Variants in CCDC174 observed in about 807,000 individuals in gnomAD.
CCDC174 encodes the protein coiled-coil domain-containing protein 174.
Under a neutral mutation model 57.1 loss-of-function variants are expected in CCDC174, and 37 were observed. That is an observed-to-expected ratio of 0.65 (90% CI 0.50 to 0.85). The LOEUF is 0.85. Ranked by LOEUF, CCDC174 falls within the 40% of genes least tolerant of loss-of-function variation. CCDC174 has a pLI of 0.00. For missense variants in CCDC174, 540 were observed against 574.3 expected, an observed-to-expected ratio of 0.94 and a Z score of 0.61; for synonymous variants, 182 against 190.2, an observed-to-expected ratio of 0.96 and a Z score of 0.35.
rs2031539800 is a variant in CCDC174, at chr3:14,672,155, GAT to G, written c.*962_*963del. On this transcript the variant is annotated 3_prime_UTR_variant, in exon 11 of 11. Coordinates refer to ENST00000383794, the MANE Select transcript of CCDC174 (RefSeq NM_016474.5). ...AGCTGCACACAAGCAGTTGAGAGTT[GAT>G]GACCAGGCCCATAGGGCTCCCACAG... is the stretch of plus-strand genomic sequence containing the variant. 1 of 152,446 alleles carries G rather than the reference GAT, an allele frequency of 6.6e-6. No homozygotes were observed. The highest frequency in any genetic ancestry group is 2.4e-5 in the African/African-American group (1 of 41,480). 9.4% of individuals were successfully genotyped at this position (152,446 alleles called of 1,614,324 possible).
At chr3:14,659,896 C>T (rs2031073020) in intron 4 of CCDC174, among the ~76,000 whole-genome samples, 1 of 152,172 alleles carries the variant, frequency 6.6e-6, no homozygotes, top group Non-Finnish European at 1.5e-5. Context: ...AGCAGACCAG[C>T]TGAGGAGGGC....
chr3:14,668,204 A>G lies in CCDC174; in HGVS notation c.952+23A>G, dbSNP rs376359043. The G allele has an allele frequency of 2.2e-5, 34 of 1,574,628 alleles. No homozygotes were observed. In the African/African-American group the frequency reaches 4.4e-4, roughly 20 times the overall value. ...GAGGTATATCATGGCTATGTTGCTG[A>G]ACTTCAAAAGGGAAAATTTTATTTC... On this transcript the variant is annotated intron_variant, in intron 9 of 10. Coordinates refer to ENST00000383794, the MANE Select transcript of CCDC174 (RefSeq NM_016474.5).
At position 14,672,566 on chromosome 3, in the gene CCDC174, A is replaced by C. The variant is rs1401828115; in HGVS notation, c.*1372A>C. On this transcript the variant is annotated 3_prime_UTR_variant, in exon 11 of 11. Transcript: ENST00000383794. ...AAACTTACCTCTAAACTCTGAGGAT[A>C]AAGTTGCCAGTCCTTTTAATGGTCA... is the stretch of plus-strand genomic sequence containing the variant. 1 of 152,250 alleles carries C rather than the reference A, an allele frequency of 6.6e-6. No individual in the cohort carries two copies. Among genetic ancestry groups the C allele is most frequent in the Non-Finnish European group, 1.5e-5 (1 of 68,054 alleles). 9.4% of individuals were successfully genotyped at this position (152,250 alleles called of 1,614,324 possible).
rs146916656 is a variant in CCDC174 at position 14,664,758 on chromosome 3, G to A, written c.486-270G>A. Among the ~76,000 whole-genome samples, 176 of 152,334 alleles carry A rather than the reference G, an allele frequency of 1.2e-3. 1 individual carries two copies. The highest frequency in any genetic ancestry group is 4.0e-3 in the African/African-American group (165 of 41,576). ...TTCGTAGATGCTGCAGCAAAATTCCGTGTGGGTGATTTATCTGTGAGATCA... is the reference window on the plus strand; with the variant it reads ...TTCGTAGATGCTGCAGCAAAATTCCATGTGGGTGATTTATCTGTGAGATCA... On this transcript the variant is annotated intron_variant, in intron 5 of 10. Coordinates refer to ENST00000383794, the MANE Select transcript of CCDC174 (RefSeq NM_016474.5).
chr3:14,658,222 C>T (rs918218203), intron 3 of CCDC174, among the ~76,000 whole-genome samples: 4 of 152,210 alleles, frequency 2.6e-5, no homozygotes, highest in African/African-American at 4.8e-5. Flanking sequence ...CCTGTGAGTC[C>T]TCAGTGCCTA....
chr3:14,666,228 T>C (rs879624303), intron 6 of CCDC174, among the ~76,000 whole-genome samples: 2 of 152,084 alleles, frequency 1.3e-5, no homozygotes, highest in Admixed American at 6.6e-5. Context: ...CCACCTCCCA[T>C]CTGGTCAGCC....
Position 14,668,186 on chromosome 3 carries a change from A to G in CCDC174, c.952+5A>G. The G allele has an allele frequency of 6.3e-6, 10 of 1,597,474 alleles. No homozygotes were observed. Among genetic ancestry groups the G allele is most frequent in the Non-Finnish European group, 8.5e-6 (10 of 1,174,952 alleles). On this transcript the variant is annotated splice_donor_5th_base_variant and intron_variant, in intron 9 of 10. Transcript: ENST00000383794. ...GAACAGAAGAAGAAAATAGAGGTATATCATGGCTATGTTGCTGAACTTCAA... is the reference window on the plus strand; with the variant it reads ...GAACAGAAGAAGAAAATAGAGGTATGTCATGGCTATGTTGCTGAACTTCAA...
At chr3:14,664,526 A>G (rs147728602) in intron 5 of CCDC174, among the ~76,000 whole-genome samples, 116 of 152,254 alleles carry the variant, frequency 7.6e-4, no homozygotes, top group Non-Finnish European at 1.2e-3. Flanking sequence ...GAAGAGTCCA[A>G]CTCTGAAAAA....
In CCDC174 at chr3:14,671,088, C is replaced by G; in HGVS notation, c.1298C>G (p.Pro433Arg). ...QCPDQSHGPS[P>R]EHTSPTPAPD... ...CCTGACCAGAGCCACGGACCTAGCC[C>G]TGAACATACGTCACCCACTCCTGCC... Residue 433 changes from proline to arginine, a missense_variant, in exon 11 of 11, where the codon CCT (proline) becomes CGT (arginine). Transcript: ENST00000383794. 6.2e-7 allele frequency: 1 copy of G among 1,614,196 alleles called. No individual in the cohort carries two copies. Among genetic ancestry groups the G allele is most frequent in the Non-Finnish European group, 8.5e-7 (1 of 1,180,038 alleles).
rs1191929064 is a variant in CCDC174, at chr3:14,671,063, C to A, written c.1273C>A (p.Pro425Thr). The A allele has an allele frequency of 1.9e-6, 3 of 1,614,000 alleles. No individual in the cohort carries two copies. The highest frequency in any genetic ancestry group is 2.5e-6 in the Non-Finnish European group (3 of 1,180,026). The change falls in exon 11 of 11, where the codon CCT becomes ACT. Residue 425 changes from proline to threonine, a missense_variant. Transcript: ENST00000383794. ...AGCACAGAGTGACCCAGGGCAGTGC[C>A]CTGACCAGAGCCACGGACCTAGCCC... is the stretch of plus-strand genomic sequence containing the variant. ...GPAQSDPGQC[P>T]DQSHGPSPEH...
intron 2 of CCDC174, 94 bp from the exon 3 acceptor site, chr3:14,655,435 C>T: frequency 1.4e-6 from 1 of 729,636 alleles, no homozygotes; most frequent in South Asian, 1.8e-5. Flanking sequence ...CATAAGAACT[C>T]ATGATCTCCT....
In CCDC174 at chr3:14,668,106, G is replaced by C. The variant is rs2031398599; in HGVS notation, c.877G>C (p.Glu293Gln). Reference protein sequence around the residue: ...NIKEKRKAILEARLAKLRQKK... With the variant: ...NIKEKRKAILQARLAKLRQKK... ...AAAGGAAAAGCGAAAGGCTATCTTAGAGGCAAGACTTGCCAAACTTCGACA... is the reference window on the plus strand; with the variant it reads ...AAAGGAAAAGCGAAAGGCTATCTTACAGGCAAGACTTGCCAAACTTCGACA... Residue 293 changes from glutamate to glutamine, a missense_variant, in exon 9 of 11, where the codon GAG becomes CAG. Glu to Gln is a conservative substitution (Grantham distance 29). Transcript: ENST00000383794. 2 of 1,609,722 alleles carry C rather than the reference G, an allele frequency of 1.2e-6. No individual in the cohort carries two copies. The highest frequency in any genetic ancestry group is 1.7e-6 in the Non-Finnish European group (2 of 1,178,194).
intron 3 of CCDC174, 66 bp downstream of exon 3, chr3:14,655,695 C>A: frequency 9.9e-7 from 1 of 1,012,020 alleles, no homozygotes; most frequent in South Asian, 1.6e-5. Context: ...AATGGAAGTT[C>A]AAATTTTGTC....
intron 4 of CCDC174, among the ~76,000 whole-genome samples, chr3:14,660,711 C>G (rs1232308307): frequency 2.0e-5 from 3 of 152,170 alleles, no homozygotes; most frequent in Non-Finnish European, 4.4e-5. Context: ...TTTCTTCACC[C>G]TAAGGTGGGG....
chr3:14,658,761 G>A lies in CCDC174; in HGVS notation c.249-110G>A, dbSNP rs1430623088. ...GGTCTGTGCTGGTTGTGGTTGTCTT[G>A]ACAGGCTGGGCCTCATGGGCAGATG... On this transcript the variant is annotated intron_variant, in intron 3 of 10. Coordinates refer to ENST00000383794, the MANE Select transcript of CCDC174 (RefSeq NM_016474.5). The A allele has an allele frequency of 6.6e-6, 8 of 1,209,170 alleles. No homozygotes were observed. The East Asian group carries it at 2.3e-4, about 35-fold the overall frequency. 74.9% of individuals were successfully genotyped at this position (1,209,170 alleles called of 1,614,324 possible). A position where few individuals can be genotyped will look rare whatever the true frequency, so the allele number is the denominator to read the frequency against.
At chr3:14,655,492 A>C in intron 2 of CCDC174, 37 bp from the exon 3 acceptor site, 1 of 1,384,182 alleles carries the variant, frequency 7.2e-7, no homozygotes, top group Non-Finnish European at 1.0e-6. Context: ...TTTGGCAATC[A>C]TGTGGTTCTG....
rs1232992907 is a variant in CCDC174 at position 14,661,599 on chromosome 3, A to C, written c.377A>C (p.Glu126Ala). The change falls in exon 5 of 11, where the codon GAG (glutamate) becomes GCG (alanine). Residue 126 changes from glutamate (E) to alanine (A), a missense_variant. Physicochemically the swap from Glu to Ala is moderately radical, Grantham distance 107. Transcript: ENST00000383794. Reference protein sequence around the residue: ...QKIIDKRKEMEASGAHRDSQK... With the variant: ...QKIIDKRKEMAASGAHRDSQK... ...ATCATAGACAAGCGCAAAGAAATGGAGGCATCTGGTGCCCATAGAGATTCT... is the reference window on the plus strand; with the variant it reads ...ATCATAGACAAGCGCAAAGAAATGGCGGCATCTGGTGCCCATAGAGATTCT... 3.7e-6 allele frequency: 6 copies of C among 1,614,044 alleles called. No homozygotes were observed. Among genetic ancestry groups the C allele is most frequent in the Non-Finnish European group, 5.1e-6 (6 of 1,179,974 alleles).
chr3:14,666,556 G>A lies in CCDC174; in HGVS notation c.582-249G>A, dbSNP rs7612623. Among the ~76,000 whole-genome samples the A allele has an allele frequency of 6.6e-3, 1,005 of 152,130 alleles. 13 individuals carry two copies. The highest frequency in any genetic ancestry group is 0.023 in the African/African-American group (942 of 41,494). ...GAGAATCTCTTTAACCTGGGAAGCC[G>A]AGGTTGCAGTGAGCCGAGATCGTGC... On this transcript the variant is annotated intron_variant, in intron 6 of 10. Coordinates refer to ENST00000383794, the MANE Select transcript of CCDC174 (RefSeq NM_016474.5).
At position 14,667,462 on chromosome 3, in the gene CCDC174, C is replaced by T. The variant is rs750857506; in HGVS notation, c.763C>T (p.Arg255Ter). ...QLGVGYFAFARDKELRNKQMK... is the reference protein window; with the variant it reads ...QLGVGYFAFA ...TGGTGTTGGGTATTTTGCCTTTGCC[C>T]GAGACAAAGAGTTGAGAAACAAGCA... Residue 255 changes from arginine to a stop codon, truncating the protein, a stop_gained, in exon 8 of 11, where the codon CGA becomes TGA. Transcript: ENST00000383794. LOFTEE classifies it high-confidence loss of function. 1.5e-5 allele frequency: 25 copies of T among 1,613,478 alleles called. No homozygotes were observed. Among genetic ancestry groups the T allele is most frequent in the South Asian group, 8.8e-5 (8 of 91,060 alleles).
Sources: gnomAD v4.1 joint callset for allele counts (sites outside exome capture counted in the v4.1 genomes callset) on GRCh38, gnomAD v4.1.1 for gene constraint, MANE v1.5 for transcripts, NCBI Gene and HGNC (gene_info 2026-07-23, HGNC 2026-07-21) for gene names.